Variants in KCNN2 observed in about 807,000 individuals in gnomAD.
The protein encoded by KCNN2 is potassium calcium-activated channel subfamily N member 2.
KCNN2 carries 24 observed loss-of-function variants against 55.5 expected under a neutral mutation model. That is an observed-to-expected ratio of 0.43 (90% CI 0.31 to 0.61). KCNN2 has a LOEUF of 0.61. Ranked by LOEUF, KCNN2 falls within the 20% of genes least tolerant of loss-of-function variation. The pLI is 0.08. For synonymous variants in KCNN2, 431 were observed against 336.1 expected (o/e 1.28, Z -3.09); for missense variants, 754 against 853.6 (o/e 0.88, Z 1.45).
At position 114,285,890 on chromosome 5, in the gene KCNN2, G is replaced by A. The variant is rs1300357454; in HGVS notation, c.-185+64325G>A. 2.0e-5 allele frequency among the ~76,000 whole-genome samples: 3 copies of A among 150,150 alleles called. No homozygotes were observed. In the East Asian group the frequency reaches 6.0e-4, roughly 30 times the overall value. The stretch of plus-strand genomic sequence containing the variant: ...ACAGAAATGGATCCAGATTTTTAAG[G>A]TTCTGAGGCACCTACAATTTGGGAA... On this transcript the variant is annotated intron_variant, in intron 2 of 10. Coordinates refer to the KCNN2 transcript ENST00000512097.
At position 114,325,671 on chromosome 5, in the gene KCNN2, C is replaced by A. The variant is rs114801051; in HGVS notation, c.-184-35274C>A. ...CAAGCTTCTTATCTAATGGAGTAAA[C>A]TCCTATGACATACACCAACATAGTC... On this transcript the variant is annotated intron_variant, in intron 2 of 10. Coordinates refer to the KCNN2 transcript ENST00000512097. Among the ~76,000 whole-genome samples the A allele has an allele frequency of 4.6e-3, 698 of 152,302 alleles. 5 individuals are homozygous for A. Among genetic ancestry groups the A allele is most frequent in the African/African-American group, 0.016 (666 of 41,578 alleles).
rs754362340 is a variant in KCNN2 at position 114,335,169 on chromosome 5, A to G, written c.-184-25776A>G. 4.1e-4 allele frequency among the ~76,000 whole-genome samples: 62 copies of G among 152,204 alleles called. No individual in the cohort carries two copies. The Middle Eastern group carries it at 0.01, about 25-fold the overall frequency. ...TTATCTCCTGACCTCGTGATCCGCC[A>G]GTCTCAGCCTCCCAGAGTGCTGGGA... On this transcript the variant is annotated intron_variant, in intron 2 of 10. Transcript: ENST00000512097.
At chr5:114,257,057 A>G (rs1442632975) in intron 2 of KCNN2, among the ~76,000 whole-genome samples, 2 of 118,632 alleles carry the variant, frequency 1.7e-5, no homozygotes, top group East Asian at 5.2e-4. Flanking sequence ...ATAGAGGTCC[A>G]CTTTCATTCT....
At chr5:114,090,556 T>C (rs1156335722) in intron 1 of KCNN2, among the ~76,000 whole-genome samples, 1 of 130,314 alleles carries the variant, frequency 7.7e-6, no homozygotes. Flanking sequence ...CCTCTCTCTC[T>C]CTCTCTATAT....
intron 2 of KCNN2, among the ~76,000 whole-genome samples, chr5:114,274,768 A>G (rs906521392): frequency 5.9e-5 from 9 of 152,218 alleles, no homozygotes; most frequent in Admixed American, 5.9e-4. Context: ...ATATACTATC[A>G]TGTCATCTGC....
chr5:114,363,334 C>T (rs1023350270), intron 1 of KCNN2, 73 bp downstream of exon 1: 2 of 1,451,714 alleles, frequency 1.4e-6, no homozygotes, highest in African/African-American at 2.8e-5. Flanking sequence ...TGGCGGGGAC[C>T]CTTTGCGTGC....
intron 2 of KCNN2, among the ~76,000 whole-genome samples, chr5:114,272,966 T>C (rs1561549452): frequency 6.6e-6 from 1 of 152,084 alleles, no homozygotes. Flanking sequence ...CCATGAGTGT[T>C]TGCTGCACCC....
At chr5:114,480,728 A>C (rs1159745029) in intron 5 of KCNN2, among the ~76,000 whole-genome samples, 1 of 152,182 alleles carries the variant, frequency 6.6e-6, no homozygotes, top group Non-Finnish European at 1.5e-5. Context: ...AAATCAATAA[A>C]TGTGATTCAT....
intron 3 of KCNN2, among the ~76,000 whole-genome samples, chr5:114,457,912 A>G (rs1050009228): frequency 1.3e-5 from 2 of 152,232 alleles, no homozygotes; most frequent in Non-Finnish European, 2.9e-5. Context: ...CTTGATAACC[A>G]TTGTATCAAA....
At chr5:114,317,161 A>G (rs1441723177) in intron 2 of KCNN2, among the ~76,000 whole-genome samples, 1 of 151,830 alleles carries the variant, frequency 6.6e-6, no homozygotes, top group African/African-American at 2.4e-5. Context: ...TGGCCCCTTG[A>G]GATCTTGGAA....
At chr5:114,486,962 T>G (rs1747581712) in intron 5 of KCNN2, 88 bp from the exon 6 acceptor site, 1 of 1,466,782 alleles carries the variant, frequency 6.8e-7, no homozygotes, top group South Asian at 1.2e-5. Flanking sequence ...CTCACCATGA[T>G]CCTTGGGATG....
chr5:114,317,942 T>C (rs955360611), intron 2 of KCNN2, among the ~76,000 whole-genome samples: 16 of 152,124 alleles, frequency 1.1e-4, no homozygotes, highest in Admixed American at 7.2e-4. Flanking sequence ...AGATAAGAGA[T>C]AAGGGACTGG....
intron 3 of KCNN2, among the ~76,000 whole-genome samples, chr5:114,414,062 T>A (rs919152836): frequency 1.2e-4 from 18 of 152,204 alleles, no homozygotes; most frequent in Non-Finnish European, 2.1e-4. Flanking sequence ...TAGGGCTTGG[T>A]TGGAGAAAAT....
intron 2 of KCNN2, among the ~76,000 whole-genome samples, chr5:114,310,173 A>G (rs1756367316): frequency 6.6e-6 from 1 of 151,988 alleles, no homozygotes; most frequent in African/African-American, 2.4e-5. Context: ...CCTTCTTTCC[A>G]CCTCTTGCCA....
intron 2 of KCNN2, among the ~76,000 whole-genome samples, chr5:114,259,594 A>G (rs1755058983): frequency 6.6e-6 from 1 of 152,132 alleles, no homozygotes; most frequent in African/African-American, 2.4e-5. Flanking sequence ...CGTTGTGCAC[A>G]TGTACCGTAA....
chr5:114,493,335 C>G (rs1747953679), intron 6 of KCNN2, 68 bp from the exon 7 acceptor site: 1 of 961,788 alleles, frequency 1.0e-6, no homozygotes, highest in Non-Finnish European at 1.7e-6. Context: ...TTTGTGCATG[C>G]TCTTTGGAAG....
At chr5:114,364,677 C>T (rs1425064858) in intron 2 of KCNN2, among the ~76,000 whole-genome samples, 1 of 149,830 alleles carries the variant, frequency 6.7e-6, no homozygotes. Flanking sequence ...CTATATTTGA[C>T]TGTTAGTATC....
chr5:114,325,927 A>C (rs1756706205), intron 2 of KCNN2, among the ~76,000 whole-genome samples: 1 of 152,214 alleles, frequency 6.6e-6, no homozygotes, highest in Non-Finnish European at 1.5e-5. Flanking sequence ...AATGTTGTCT[A>C]ATACTTCCAG....
chr5:114,441,012 A>G (rs1760185824), intron 3 of KCNN2, among the ~76,000 whole-genome samples: 1 of 152,290 alleles, frequency 6.6e-6, no homozygotes, highest in East Asian at 1.9e-4. Context: ...ACAACAGGCA[A>G]CTACTTACCA....
Sources: allele counts gnomAD v4.1 joint callset (sites outside exome capture counted in the v4.1 genomes callset), GRCh38; gene constraint gnomAD v4.1.1; transcripts MANE v1.5; gene names NCBI Gene and HGNC (gene_info 2026-07-23, HGNC 2026-07-21).